PHLPP1: variants seen among roughly 807,000 people sequenced by gnomAD.
PHLPP1 encodes the protein PH domain leucine-rich repeat-containing protein phosphatase 1.
PHLPP1 carries 42 observed loss-of-function variants against 117.2 expected under a neutral mutation model. The observed-to-expected ratio is 0.36, with a 90% CI of 0.28 to 0.46. The LOEUF (loss-of-function observed/expected upper bound fraction) is 0.46. Among genes scored for constraint, PHLPP1 ranks in the 20% least tolerant of loss-of-function variants. The pLI is 1.00. For missense variants in PHLPP1, 2,084 were observed against 2,241.9 expected (o/e 0.93, Z 1.42); for synonymous variants, 1,042 against 970.7 (o/e 1.07, Z -1.37).
At chr18:62,843,713 T>C (rs368386729) in intron 3 of PHLPP1, among the ~76,000 whole-genome samples, 14 of 152,328 alleles carry the variant, frequency 9.2e-5, no homozygotes, top group East Asian at 3.9e-4. Context: ...TCCTATTATA[T>C]ACAGTGTAAA....
At position 62,917,396 on chromosome 18, in the gene PHLPP1, T is replaced by TGTGTGTGTGTGTGTG. The variant is rs1909321733; in HGVS notation, c.2804+2388_2804+2389insGTGTGTGTGTGTGTG. ...TGTTAAAGAATTTAAACAGTATTCT[T>TGTGTGTGTGTGTGTG]TGTGTGTGTGTGTGTGTGTGTGTGT... On this transcript the variant is annotated intron_variant, in intron 9 of 16. Transcript: ENST00000262719. 3.2e-3 allele frequency among the ~76,000 whole-genome samples: 447 copies of TGTGTGTGTGTGTGTG among 141,488 alleles called. 2 individuals carry two copies. Among genetic ancestry groups the TGTGTGTGTGTGTGTG allele is most frequent in the Middle Eastern group, 7.1e-3 (2 of 282 alleles). 92.8% of individuals were successfully genotyped at this position (141,488 alleles called of 152,430 possible).
chr18:62,976,762 A>G (rs982841813), intron 16 of PHLPP1, among the ~76,000 whole-genome samples: 2 of 152,218 alleles, frequency 1.3e-5, no homozygotes, highest in Non-Finnish European at 2.9e-5. Context: ...CTACTGGACT[A>G]TAAGCTTTCA....
At chr18:62,745,768 C>T (rs1360123014) in intron 1 of PHLPP1, among the ~76,000 whole-genome samples, 1 of 152,152 alleles carries the variant, frequency 6.6e-6, no homozygotes, top group Non-Finnish European at 1.5e-5. Flanking sequence ...TTACTCTTGC[C>T]TCTTTTAGTG....
intron 15 of PHLPP1, 145 bp from the exon 16 acceptor site, chr18:62,975,252 G>A (rs1221132128): frequency 3.2e-6 from 2 of 631,620 alleles, no homozygotes; most frequent in Non-Finnish European, 5.7e-6. Context: ...AGGCAGAGCA[G>A]TGTGTGCTTT....
chr18:62,728,658 A>C (rs12956672), intron 1 of PHLPP1, among the ~76,000 whole-genome samples: 1 of 151,812 alleles, frequency 6.6e-6, no homozygotes, highest in South Asian at 2.1e-4. Context: ...ACAGGTACAC[A>C]CCACTACACC....
chr18:62,780,051 A>G (rs190849044), intron 1 of PHLPP1, among the ~76,000 whole-genome samples: 54 of 152,308 alleles, frequency 3.5e-4, no homozygotes, highest in African/African-American at 1.3e-3. Flanking sequence ...TTAACAGTGT[A>G]TAATTATGTA....
chr18:62,790,164 C>T lies in PHLPP1; in HGVS notation c.1577-39871C>T, dbSNP rs368791333. ...AGGCTAAATAAATAGGCACACCTCA[C>T]CTATTTAGTGTTTGGTTGTCAGTCA... On this transcript the variant is annotated intron_variant, in intron 1 of 16. Coordinates refer to ENST00000262719, the MANE Select transcript of PHLPP1 (RefSeq NM_194449.4). 3.2e-3 allele frequency among the ~76,000 whole-genome samples: 484 copies of T among 152,264 alleles called. 30 individuals are homozygous for T. In the South Asian group the frequency reaches 0.097, roughly 31 times the overall value.
intron 7 of PHLPP1, 111 bp from the exon 8 acceptor site, chr18:62,905,108 CCTAAA>C (rs1359042837): frequency 1.9e-6 from 1 of 516,904 alleles, no homozygotes; most frequent in Non-Finnish European, 3.1e-6. Context: ...TATTGTACTT[CCTAAA>C]CTAAACAAAC....
At chr18:62,944,275 G>A (rs1429967935) in intron 11 of PHLPP1, among the ~76,000 whole-genome samples, 2 of 152,096 alleles carry the variant, frequency 1.3e-5, no homozygotes, top group African/African-American at 4.8e-5. Context: ...CAGAGGTAGA[G>A]GCATTGTTTT....
chr18:62,786,702 T>G lies in PHLPP1; in HGVS notation c.1577-43333T>G, dbSNP rs542825681. Among the ~76,000 whole-genome samples the G allele has an allele frequency of 4.1e-4, 62 of 152,342 alleles. 2 individuals are homozygous for G. The South Asian group carries it at 4.6e-3, about 11-fold the overall frequency. On this transcript the variant is annotated intron_variant, in intron 1 of 16. Transcript: ENST00000262719. ...TCTACACTTAAAGGCTGTCCTAAGC[T>G]CTTGCTTTTAATAGTAGCTACACTT...
intron 3 of PHLPP1, among the ~76,000 whole-genome samples, chr18:62,855,640 C>T (rs1915475586): frequency 6.6e-6 from 1 of 152,188 alleles, no homozygotes; most frequent in Non-Finnish European, 1.5e-5. Flanking sequence ...CACAGGACTG[C>T]CCTTGCTTGT....
chr18:62,770,290 A>C (rs1006243808), intron 1 of PHLPP1, among the ~76,000 whole-genome samples: 4 of 152,024 alleles, frequency 2.6e-5, no homozygotes, highest in African/African-American at 9.7e-5. Flanking sequence ...TTGTATTTTT[A>C]GTAGATATGG....
chr18:62,961,655 A>T (rs1037332391), intron 13 of PHLPP1, among the ~76,000 whole-genome samples: 1 of 152,206 alleles, frequency 6.6e-6, no homozygotes, highest in African/African-American at 2.4e-5. Flanking sequence ...ACCAGGTCAT[A>T]TGGAGAGCAA....
chr18:62,776,110 G>C (rs1912948743), intron 1 of PHLPP1, among the ~76,000 whole-genome samples: 1 of 152,128 alleles, frequency 6.6e-6, no homozygotes, highest in Non-Finnish European at 1.5e-5. Flanking sequence ...GAATTGGCTT[G>C]CTTATGGGAA....
At chr18:62,799,220 A>T (rs958510956) in intron 1 of PHLPP1, among the ~76,000 whole-genome samples, 1 of 152,188 alleles carries the variant, frequency 6.6e-6, no homozygotes, top group African/African-American at 2.4e-5. Context: ...CAATGAAAGG[A>T]TACTAAAAAT....
intron 8 of PHLPP1, 57 bp downstream of exon 8, chr18:62,905,341 C>T: frequency 1.1e-6 from 1 of 873,166 alleles, no homozygotes; most frequent in Non-Finnish European, 1.6e-6. Flanking sequence ...TTTAGTAATT[C>T]TGTCTGAGCT....
intron 1 of PHLPP1, among the ~76,000 whole-genome samples, chr18:62,719,603 A>T (rs1910858516): frequency 6.6e-6 from 1 of 152,162 alleles, no homozygotes; most frequent in Non-Finnish European, 1.5e-5. Flanking sequence ...TAGGAAGAGG[A>T]TAATTAATGT....
Position 62,916,567 on chromosome 18 carries a change from A to G in PHLPP1, c.2804+1559A>G, listed in dbSNP as rs188518237. Among the ~76,000 whole-genome samples the G allele has an allele frequency of 1.2e-4, 18 of 151,342 alleles. 1 individual carries two copies. In the South Asian group the frequency reaches 3.1e-3, roughly 26 times the overall value. On this transcript the variant is annotated intron_variant, in intron 9 of 16. Coordinates refer to ENST00000262719, the MANE Select transcript of PHLPP1 (RefSeq NM_194449.4). Reference sequence around the variant, plus strand: ...GAATATTATGTTGACTGAGCATTCAAGTGACCCATTGCAGCCATCACCATT... The same window carrying G: ...GAATATTATGTTGACTGAGCATTCAGGTGACCCATTGCAGCCATCACCATT...
intron 1 of PHLPP1, among the ~76,000 whole-genome samples, chr18:62,823,951 G>A (rs1436192998): frequency 6.6e-6 from 1 of 152,070 alleles, no homozygotes; most frequent in Non-Finnish European, 1.5e-5. Flanking sequence ...GGCCAACATG[G>A]TGAAACCCCA....
Sources: gnomAD v4.1 joint callset for allele counts (sites outside exome capture counted in the v4.1 genomes callset) on GRCh38, gnomAD v4.1.1 for gene constraint, MANE v1.5 for transcripts, NCBI Gene and HGNC (gene_info 2026-07-23, HGNC 2026-07-21) for gene names.